Variants in GPC6 observed in about 807,000 individuals in gnomAD.
GPC6 encodes the protein glypican 6.
In GPC6, 14 loss-of-function variants were observed where a neutral mutation model predicts 55.2. The ratio of observed to expected loss-of-function variants is 0.25; its 90% CI spans 0.17 to 0.40. The LOEUF is 0.40. Among genes scored for constraint, GPC6 ranks in the 10% least tolerant of loss-of-function variants. GPC6 has a pLI of 1.00. For missense variants in GPC6, 641 were observed against 708.5 expected (o/e 0.90, Z 1.08); for synonymous variants, 278 against 259.6 (o/e 1.07, Z -0.68).
intron 1 of GPC6, among the ~76,000 whole-genome samples, chr13:93,363,609 C>A (rs2139181215): frequency 6.6e-6 from 1 of 152,092 alleles, no homozygotes. Context: ...GTGCATGTGT[C>A]TTTATAGCAG....
chr13:94,175,225 A>T (rs1566501229), intron 4 of GPC6, among the ~76,000 whole-genome samples: 1 of 152,222 alleles, frequency 6.6e-6, no homozygotes, highest in South Asian at 2.1e-4. Flanking sequence ...AACTTTTTCC[A>T]TAAAGGGTCA....
intron 4 of GPC6, among the ~76,000 whole-genome samples, chr13:94,073,353 A>G (rs569790853): frequency 6.6e-6 from 1 of 152,308 alleles, no homozygotes; most frequent in East Asian, 1.9e-4. Context: ...ATCCCATCTC[A>G]CAATCTACTT....
chr13:93,398,100 A>G (rs192099026), intron 1 of GPC6, among the ~76,000 whole-genome samples: 13 of 152,274 alleles, frequency 8.5e-5, no homozygotes, highest in African/African-American at 2.6e-4. Context: ...TTTTCAGTAC[A>G]CCTTGAATTA....
intron 1 of GPC6, among the ~76,000 whole-genome samples, chr13:93,275,029 A>G (rs778338512): frequency 3.9e-4 from 60 of 152,212 alleles, no homozygotes; most frequent in Non-Finnish European, 6.3e-4. Context: ...TTGTGAGTGC[A>G]TATTCCAGCC....
chr13:94,034,237 GA>G (rs1883252346), intron 4 of GPC6, among the ~76,000 whole-genome samples: 2 of 151,112 alleles, frequency 1.3e-5, no homozygotes, highest in African/African-American at 4.9e-5. Context: ...AGGAAGGAAG[GA>G]AGGAAGGAAG....
chr13:93,924,846 C>A (rs1462470002), intron 3 of GPC6, among the ~76,000 whole-genome samples: 1 of 151,806 alleles, frequency 6.6e-6, no homozygotes, highest in Non-Finnish European at 1.5e-5. Context: ...TTTTAATTGA[C>A]ACCAAAAAAT....
chr13:93,276,153 C>T (rs1055014055), intron 1 of GPC6, among the ~76,000 whole-genome samples: 3 of 152,116 alleles, frequency 2.0e-5, no homozygotes. Context: ...GGATTACAGG[C>T]GTGAGCCACC....
At chr13:93,282,663 T>G (rs1268656602) in intron 1 of GPC6, among the ~76,000 whole-genome samples, 3 of 152,176 alleles carry the variant, frequency 2.0e-5, no homozygotes, top group African/African-American at 7.2e-5. Context: ...ACAGTTTAAA[T>G]AATCAAATAT....
At chr13:93,934,060 C>T (rs1878309039) in intron 3 of GPC6, among the ~76,000 whole-genome samples, 1 of 152,170 alleles carries the variant, frequency 6.6e-6, no homozygotes, top group African/African-American at 2.4e-5. Context: ...TTGGTGGATA[C>T]ATGTAAATTA....
At chr13:93,492,488 C>T (rs898563028) in intron 1 of GPC6, among the ~76,000 whole-genome samples, 1 of 151,156 alleles carries the variant, frequency 6.6e-6, no homozygotes, top group Non-Finnish European at 1.5e-5. Context: ...TTGACTTCCT[C>T]TTTTCCCTAT....
intron 6 of GPC6, among the ~76,000 whole-genome samples, chr13:94,372,401 G>GA (rs1879597050): frequency 6.6e-6 from 1 of 152,240 alleles, no homozygotes; most frequent in Admixed American, 6.5e-5. Flanking sequence ...CCTCACTTGG[G>GA]AAGCGCAAGG....
At chr13:94,383,867 T>C (rs960933248) in intron 7 of GPC6, among the ~76,000 whole-genome samples, 2 of 152,062 alleles carry the variant, frequency 1.3e-5, no homozygotes, top group African/African-American at 4.8e-5. Context: ...GCGAAGCAGG[T>C]GCCTTCCTCA....
chr13:94,088,768 T>C (rs970235805), intron 4 of GPC6, among the ~76,000 whole-genome samples: 2 of 152,054 alleles, frequency 1.3e-5, no homozygotes, highest in Non-Finnish European at 2.9e-5. Flanking sequence ...CAACAGAGTA[T>C]AGCAGGATGT....
chr13:94,342,815 G>C (rs953632856), intron 6 of GPC6, among the ~76,000 whole-genome samples: 2 of 151,940 alleles, frequency 1.3e-5, no homozygotes, highest in South Asian at 4.2e-4. Flanking sequence ...TGTCTCTCTC[G>C]TAAGCCCATC....
chr13:93,238,572 C>A (rs1031864658), intron 1 of GPC6, among the ~76,000 whole-genome samples: 4 of 151,954 alleles, frequency 2.6e-5, no homozygotes, highest in African/African-American at 9.7e-5. Context: ...TTATTTCTTT[C>A]TTTTGGATAG....
intron 2 of GPC6, among the ~76,000 whole-genome samples, chr13:93,721,801 T>C (rs1362212125): frequency 6.6e-6 from 1 of 151,844 alleles, no homozygotes; most frequent in Admixed American, 6.6e-5. Flanking sequence ...TCTGTGTTTC[T>C]TTCTGTCTAA....
intron 4 of GPC6, among the ~76,000 whole-genome samples, chr13:94,191,515 T>C (rs1189334138): frequency 6.6e-6 from 1 of 151,950 alleles, no homozygotes; most frequent in Non-Finnish European, 1.5e-5. Context: ...ATCAGGACAG[T>C]GAGCGATGTC....
At chr13:94,315,811 C>T (rs1188980275) in intron 6 of GPC6, among the ~76,000 whole-genome samples, 1 of 152,220 alleles carries the variant, frequency 6.6e-6, no homozygotes, top group Non-Finnish European at 1.5e-5. Context: ...GCGTAGGTGA[C>T]TAGACCATAA....
chr13:93,682,553 G>C (rs573874020), intron 2 of GPC6, among the ~76,000 whole-genome samples: 1 of 152,060 alleles, frequency 6.6e-6, no homozygotes, highest in Non-Finnish European at 1.5e-5. Context: ...CTCTGCACTC[G>C]CAGCTCCATA....
Sources: gnomAD v4.1 joint callset for allele counts (sites outside exome capture counted in the v4.1 genomes callset) on GRCh38, gnomAD v4.1.1 for gene constraint, MANE v1.5 for transcripts, NCBI Gene and HGNC (gene_info 2026-07-23, HGNC 2026-07-21) for gene names.